The following RC3H1 variants were observed in gnomAD, a reference collection of about 807,000 sequenced individuals.
The protein encoded by RC3H1 is roquin-1.
In RC3H1, 50 loss-of-function variants were observed where a neutral mutation model predicts 138.2. The observed-to-expected ratio is 0.36, with a 90% CI of 0.29 to 0.46. The LOEUF is 0.46. RC3H1 is among the 20% of genes least tolerant of loss of function. The pLI is 1.00. For missense variants in RC3H1, 1,031 were observed against 1,388.1 expected (o/e 0.74, Z 4.09); for synonymous variants, 462 against 489.1 (o/e 0.94, Z 0.73).
At chr1:173,955,386 C>T (rs1223080067) in intron 13 of RC3H1, among the ~76,000 whole-genome samples, 3 of 146,234 alleles carry the variant, frequency 2.1e-5, no homozygotes, top group Non-Finnish European at 4.5e-5. Context: ...GGCGCGATCT[C>T]GGCTCACTGC....
intron 13 of RC3H1, among the ~76,000 whole-genome samples, chr1:173,958,359 A>G (rs1442809312): frequency 2.6e-5 from 4 of 152,158 alleles, no homozygotes; most frequent in Admixed American, 1.3e-4. Context: ...CCTGGCCAAC[A>G]TGGTGAAACC....
intron 7 of RC3H1, among the ~76,000 whole-genome samples, chr1:173,976,452 CA>C (rs575437385): frequency 0.051 from 5,705 of 111,552 alleles, 119 homozygotes; most frequent in Middle Eastern, 0.13. Context: ...ACTGTATCTC[CA>C]AAAAAAAAAA....
At chr1:173,968,856 ATTT>A (rs370550482) in intron 9 of RC3H1, among the ~76,000 whole-genome samples, 2 of 128,090 alleles carry the variant, frequency 1.6e-5, no homozygotes, top group Non-Finnish European at 3.3e-5. Flanking sequence ...AGGAATTTTG[ATTT>A]TTTTTTTTTT....
intron 2 of RC3H1, among the ~76,000 whole-genome samples, chr1:173,987,043 T>C (rs1019057038): frequency 2.6e-5 from 4 of 152,146 alleles, no homozygotes; most frequent in East Asian, 1.9e-4. Flanking sequence ...TGGAAGATCA[T>C]AGGGGAAAAG....
chr1:173,966,719 A>C (rs951993495), intron 9 of RC3H1, among the ~76,000 whole-genome samples: 7 of 152,008 alleles, frequency 4.6e-5, no homozygotes, highest in African/African-American at 1.7e-4. Flanking sequence ...TGTCTCAAAA[A>C]ACAAAAAAAA....
chr1:173,934,445 C>T lies in RC3H1; in HGVS notation c.*4276G>A, dbSNP rs189628854. 7.2e-5 allele frequency: 11 copies of T among 152,294 alleles called. No homozygotes were observed. Among genetic ancestry groups the T allele is most frequent in the Admixed American group, 5.9e-4 (9 of 15,294 alleles). The allele number at this position is 152,294 out of a possible 1,614,324, so 9.4% of individuals were successfully genotyped here. On this transcript the variant is annotated 3_prime_UTR_variant, in exon 20 of 20. Coordinates refer to ENST00000367696, the MANE Select transcript of RC3H1 (RefSeq NM_172071.4). ...TTACTTTTACATTTTATAAGGCTAG[C>T]TAACTTTAACAGTTAACTTTAGATA...
rs1491144329 is a variant in RC3H1 at position 173,936,778 on chromosome 1, T to TTA, written c.*1942_*1943insTA. 0.026 allele frequency: 2,492 copies of TTA among 96,998 alleles called. 56 individuals carry two copies. Among genetic ancestry groups the TTA allele is most frequent in the Middle Eastern group, 0.09 (12 of 134 alleles). The allele number at this position is 96,998 out of a possible 1,614,324, so 6.0% of individuals were successfully genotyped here. ...ATATATATATTTTTTTTTTTTTTTT[T>TTA]AAAAAAAGAAGACAAATGTATAAGA... On this transcript the variant is annotated 3_prime_UTR_variant, in exon 20 of 20. Coordinates refer to ENST00000367696, the MANE Select transcript of RC3H1 (RefSeq NM_172071.4).
At chr1:173,942,446 A>AAAAAAAAAAAAAAAAAAAAAAAAAAC (rs1658924416) in intron 18 of RC3H1, among the ~76,000 whole-genome samples, 1 of 149,490 alleles carries the variant, frequency 6.7e-6, no homozygotes, top group African/African-American at 2.5e-5. Context: ...AAAAAAAAAA[A>AAAAAAAAAAAAAAAAAAAAAAAAAAC]AAAAGAAAAG....
chr1:173,961,692 TAA>T (rs1363803232), intron 12 of RC3H1, 31 bp downstream of exon 12: 16 of 1,571,030 alleles, frequency 1.0e-5, no homozygotes, highest in Non-Finnish European at 1.3e-5. Flanking sequence ...ACAGTCAAAT[TAA>T]GTCTATGTAA....
At chr1:173,991,335 G>A (rs974139362) in intron 2 of RC3H1, among the ~76,000 whole-genome samples, 2 of 152,162 alleles carry the variant, frequency 1.3e-5, no homozygotes, top group African/African-American at 4.8e-5. Flanking sequence ...CTGCAACTCT[G>A]CCTAGTTTTT....
intron 13 of RC3H1, among the ~76,000 whole-genome samples, chr1:173,960,732 G>A (rs577786730): frequency 7.9e-5 from 12 of 152,274 alleles, no homozygotes; most frequent in Admixed American, 1.3e-4. Flanking sequence ...ATGTGGCATC[G>A]GTTCAAGGAT....
In RC3H1 at chr1:173,961,850, G is replaced by A; in HGVS notation, c.2077C>T (p.Pro693Ser). Residue 693 changes from proline to serine, a missense_variant, in exon 12 of 20, where the codon CCC (proline) becomes TCC (serine). Pro to Ser is a moderately conservative substitution (Grantham distance 74). Coordinates refer to ENST00000367696, the MANE Select transcript of RC3H1 (RefSeq NM_172071.4). ...ACTGCTGCAGGTGGAATCTCAATGG[G>A]TATAGGGCTTTCTCGGAATATCTCT... is the stretch of plus-strand genomic sequence containing the variant. ...REEIFRESPI[P>S]IEIPPAAVPS... is the part of the protein sequence containing the mutation. 1.2e-6 allele frequency: 2 copies of A among 1,614,130 alleles called. No individual in the cohort carries two copies. The highest frequency in any genetic ancestry group is 1.7e-6 in the Non-Finnish European group (2 of 1,180,026).
Position 173,938,607 on chromosome 1 carries a change from C to T in RC3H1, c.*114G>A. The stretch of plus-strand genomic sequence containing the variant: ...TGTGCACATTGCCTCTGGTGAATTT[C>T]CTGGATTTCTCTGACCGCTCTTAAG... On this transcript the variant is annotated 3_prime_UTR_variant, in exon 20 of 20. Coordinates refer to ENST00000367696, the MANE Select transcript of RC3H1 (RefSeq NM_172071.4). 1 of 703,698 alleles carries T rather than the reference C, an allele frequency of 1.4e-6. No homozygotes were observed. Among genetic ancestry groups the T allele is most frequent in the South Asian group, 3.5e-5 (1 of 28,606 alleles). 43.6% of individuals were successfully genotyped at this position (703,698 alleles called of 1,614,324 possible). A position where few individuals can be genotyped will look rare whatever the true frequency, so the allele number is the denominator to read the frequency against.
chr1:173,984,659 CATTA>C (rs1469221839), intron 2 of RC3H1, 40 bp from the exon 3 acceptor site: 5 of 1,593,244 alleles, frequency 3.1e-6, no homozygotes, highest in African/African-American at 1.4e-5. Flanking sequence ...GTGCTCAATT[CATTA>C]ATTGTTTTAT....
At chr1:173,987,255 T>C (rs1485330576) in intron 2 of RC3H1, among the ~76,000 whole-genome samples, 2 of 152,206 alleles carry the variant, frequency 1.3e-5, no homozygotes, top group Admixed American at 1.3e-4. Flanking sequence ...GAGCAGAATA[T>C]CTATGTAATT....
chr1:174,004,045 A>C (rs116381022), intron 1 of RC3H1, among the ~76,000 whole-genome samples: 10,793 of 147,584 alleles, frequency 0.073, 595 homozygotes, highest in East Asian at 0.32. Context: ...TATTTTATAT[A>C]TATGATATAT....
intron 13 of RC3H1, among the ~76,000 whole-genome samples, chr1:173,957,475 T>C (rs1158184749): frequency 6.6e-6 from 1 of 152,188 alleles, no homozygotes; most frequent in East Asian, 1.9e-4. Context: ...ATATTTCTTA[T>C]AAAACAATAT....
Position 173,947,416 on chromosome 1 carries a change from T to C in RC3H1, c.2690A>G (p.Gln897Arg), listed in dbSNP as rs1659180184. 6.2e-7 allele frequency: 1 copy of C among 1,614,124 alleles called. No homozygotes were observed. The highest frequency in any genetic ancestry group is 2.2e-5 in the East Asian group (1 of 44,868). Residue 897 changes from glutamine to arginine, a missense_variant, in exon 15 of 20, where the codon CAG (glutamine) becomes CGG (arginine). Gln to Arg is a conservative substitution (Grantham distance 43). Around this residue, in one of 7 missense-constraint regions of RC3H1, gnomAD observed 716 missense variants for 837.9 expected, o/e 0.85. Coordinates refer to ENST00000367696, the MANE Select transcript of RC3H1 (RefSeq NM_172071.4). ...AGGAGCTCCCTGAGGTGCCATAGCCTGCATTGGACCAGCACCCTGATATAT... is the reference window on the plus strand; with the variant it reads ...AGGAGCTCCCTGAGGTGCCATAGCCCGCATTGGACCAGCACCCTGATATAT... The part of the protein sequence containing the change: ...KTIYQGAGPM[Q>R]AMAPQGAPTK...
chr1:173,997,641 A>C (rs1221339172), intron 1 of RC3H1, among the ~76,000 whole-genome samples: 1 of 152,190 alleles, frequency 6.6e-6, no homozygotes, highest in Non-Finnish European at 1.5e-5. Flanking sequence ...AACTATAAAC[A>C]ACTTGATAGA....
Sources: allele counts gnomAD v4.1 joint callset (sites outside exome capture counted in the v4.1 genomes callset), GRCh38; gene constraint gnomAD v4.1.1; regional missense constraint gnomAD v4.1.1; transcripts MANE v1.5; gene names NCBI Gene and HGNC (gene_info 2026-07-23, HGNC 2026-07-21).